The following TTC3 variants were observed in gnomAD, a reference collection of about 807,000 sequenced individuals.
TTC3 encodes E3 ubiquitin-protein ligase TTC3.
Under a neutral mutation model 249.6 loss-of-function variants are expected in TTC3, and 180 were observed. The ratio of observed to expected loss-of-function variants is 0.72; its 90% CI spans 0.64 to 0.82. The LOEUF (loss-of-function observed/expected upper bound fraction) is 0.82, where lower values mean the gene tolerates loss of function less well. Ranked by LOEUF, TTC3 falls within the 40% of genes least tolerant of loss-of-function variation. The pLI is 0.00. For synonymous variants in TTC3, 717 were observed against 805.0 expected (o/e 0.89, Z 1.85); for missense variants, 2,061 against 2,398.4 (o/e 0.86, Z 2.94).
exon 44 of TTC3, chr21:37,197,992 G>A (rs1031368581): frequency 6.2e-7 from 1 of 1,613,624 alleles, no homozygotes; most frequent in South Asian, 1.1e-5. Context: ...CCAAAACCAA[G>A]GGGCAGAAAG....
Position 37,197,549 on chromosome 21 carries a change from ATCAC to A in TTC3, c.5580-14_5580-11del. The A allele has an allele frequency of 1.2e-6, 2 of 1,611,824 alleles. No individual in the cohort carries two copies. Among genetic ancestry groups the A allele is most frequent in the Non-Finnish European group, 1.7e-6 (2 of 1,179,814 alleles). ...AGTAGAGAACTTTCTGTTGTCATTCATCACTCACTCTCCCTTTCAGCACTGAGCT... is the reference window on the plus strand; with the variant it reads ...AGTAGAGAACTTTCTGTTGTCATTCATCACTCTCCCTTTCAGCACTGAGCT... On this transcript the variant is annotated splice_polypyrimidine_tract_variant and intron_variant, in intron 42 of 45. Coordinates refer to ENST00000355666, the Ensembl canonical transcript of TTC3.
Position 37,152,945 on chromosome 21 carries a change from C to G in TTC3, c.2414-6C>G. On this transcript the variant is annotated splice_polypyrimidine_tract_variant and splice_region_variant and intron_variant, in intron 26 of 45. Transcript: ENST00000355666. ...TATCACTTTAACCATTGTTATTTAT[C>G]CTTAGAAACTGTAGACAATGTTCAG... 2 of 1,564,068 alleles carry G rather than the reference C, an allele frequency of 1.3e-6. No homozygotes were observed. The highest frequency in any genetic ancestry group is 1.7e-6 in the Non-Finnish European group (2 of 1,155,908).
At chr21:37,101,816 G>T (rs963157857) in intron 10 of TTC3, among the ~76,000 whole-genome samples, 1 of 151,260 alleles carries the variant, frequency 6.6e-6, no homozygotes, top group Non-Finnish European at 1.5e-5. Context: ...GCTTGTTTTG[G>T]ATCTGTATAT....
chr21:37,158,962 C>T (rs1397856372), intron 28 of TTC3, among the ~76,000 whole-genome samples: 1 of 151,986 alleles, frequency 6.6e-6, no homozygotes, highest in East Asian at 1.9e-4. Flanking sequence ...CATTTTCCGT[C>T]TTCCTCTTAT....
chr21:37,148,005 A>G (rs930705016), intron 22 of TTC3, among the ~76,000 whole-genome samples: 5 of 152,242 alleles, frequency 3.3e-5, no homozygotes, highest in African/African-American at 7.2e-5. Flanking sequence ...GATTACAGGT[A>G]TGAACCACCA....
rs1005192885 is a variant in TTC3, at chr21:37,184,149, CAAT to C, written c.4757+1240_4757+1242del. ...CACTAGTAGAACACACTTACGGAAACAATAATGTCTGTAAAGCTTTTTACCTCT... is the reference window on the plus strand; with the variant it reads ...CACTAGTAGAACACACTTACGGAAACAATGTCTGTAAAGCTTTTTACCTCT... On this transcript the variant is annotated intron_variant, in intron 36 of 45. Transcript: ENST00000355666. 3.3e-5 allele frequency among the ~76,000 whole-genome samples: 5 copies of C among 152,150 alleles called. No homozygotes were observed. In the East Asian group the frequency reaches 9.6e-4, roughly 29 times the overall value.
intron 32 of TTC3, among the ~76,000 whole-genome samples, chr21:37,165,246 GT>G (rs1428052299): frequency 3.3e-5 from 5 of 151,964 alleles, no homozygotes; most frequent in African/African-American, 1.2e-4. Context: ...TTTTGTTGTT[GT>G]TTTTAGAATA....
chr21:37,091,845 T>C (rs1208608675), intron 7 of TTC3, among the ~76,000 whole-genome samples: 2 of 152,310 alleles, frequency 1.3e-5, no homozygotes, highest in East Asian at 3.9e-4. Context: ...CCTCCCAAAG[T>C]GCTGGGATTA....
intron 11 of TTC3, among the ~76,000 whole-genome samples, chr21:37,115,056 C>T (rs2076012554): frequency 6.6e-6 from 1 of 151,898 alleles, no homozygotes; most frequent in Non-Finnish European, 1.5e-5. Flanking sequence ...AGAGGGATAG[C>T]ATTAGGAGAT....
chr21:37,192,268 G>T, intron 41 of TTC3, 55 bp downstream of exon 41: 1 of 1,184,982 alleles, frequency 8.4e-7, no homozygotes. Context: ...TTGTTAACTG[G>T]CCAAAGTAGT....
chr21:37,189,017 C>T (rs2083645466), intron 39 of TTC3, among the ~76,000 whole-genome samples: 1 of 152,150 alleles, frequency 6.6e-6, no homozygotes, highest in African/African-American at 2.4e-5. Context: ...TAATATAAGC[C>T]ACCCTGCAGT....
intron 17 of TTC3, 92 bp downstream of exon 17, chr21:37,132,858 G>A (rs2077590087): frequency 4.5e-6 from 4 of 880,058 alleles, no homozygotes; most frequent in Admixed American, 6.5e-5. Flanking sequence ...ACATCTCTAA[G>A]TTTTTTTTAT....
chr21:37,129,436 A>C (rs996906091), intron 16 of TTC3, among the ~76,000 whole-genome samples: 4 of 152,204 alleles, frequency 2.6e-5, no homozygotes, highest in Admixed American at 6.5e-5. Context: ...GGCCTCCTCC[A>C]GGAATACACT....
intron 35 of TTC3, among the ~76,000 whole-genome samples, chr21:37,179,272 G>A (rs1348721158): frequency 6.6e-6 from 1 of 152,144 alleles, no homozygotes; most frequent in Non-Finnish European, 1.5e-5. Flanking sequence ...GGGCAACAGA[G>A]CAAGACCCTG....
At chr21:37,172,313 A>T (rs1201612744) in intron 34 of TTC3, among the ~76,000 whole-genome samples, 2 of 152,210 alleles carry the variant, frequency 1.3e-5, no homozygotes, top group Admixed American at 1.3e-4. Flanking sequence ...CAAACTGTTG[A>T]TCTGGTATTG....
chr21:37,163,126 G>GT (rs1222763403), intron 31 of TTC3, among the ~76,000 whole-genome samples: 4 of 152,172 alleles, frequency 2.6e-5, no homozygotes, highest in African/African-American at 9.7e-5. Flanking sequence ...TGTTTTGGGG[G>GT]TTTACATACA....
intron 37 of TTC3, 94 bp from the exon 38 acceptor site, chr21:37,186,955 G>A: frequency 1.5e-6 from 1 of 654,494 alleles, no homozygotes; most frequent in Non-Finnish European, 2.6e-6. Context: ...AGGCTATCGT[G>A]GTGTGGTTTC....
At chr21:37,081,204 G>A (rs1364034712) in intron 1 of TTC3, among the ~76,000 whole-genome samples, 4 of 125,476 alleles carry the variant, frequency 3.2e-5, no homozygotes, top group African/African-American at 6.0e-5. Flanking sequence ...TGCAACCTCC[G>A]CCTCCTGGAT....
At chr21:37,147,389 A>T (rs1247953193) in intron 21 of TTC3, 92 bp from the exon 22 acceptor site, 4 of 1,249,480 alleles carry the variant, frequency 3.2e-6, no homozygotes, top group Non-Finnish European at 4.3e-6. Flanking sequence ...TATGCTGAAA[A>T]TATTTTGATG....
Sources: gnomAD v4.1 joint callset for allele counts (sites outside exome capture counted in the v4.1 genomes callset) on GRCh38, gnomAD v4.1.1 for gene constraint, MANE v1.5 for transcripts, NCBI Gene and HGNC (gene_info 2026-07-23, HGNC 2026-07-21) for gene names.